HSPA12A: variants seen among roughly 807,000 people sequenced by gnomAD.
HSPA12A encodes the protein heat shock protein family A (Hsp70) member 12A.
Under a neutral mutation model 69.2 loss-of-function variants are expected in HSPA12A, and 28 were observed. The ratio of observed to expected loss-of-function variants is 0.40; its 90% CI spans 0.30 to 0.55. The LOEUF (loss-of-function observed/expected upper bound fraction) is 0.55. Among genes scored for constraint, HSPA12A ranks in the 20% least tolerant of loss-of-function variants. The pLI is 0.38. For synonymous variants in HSPA12A, 345 were observed against 370.5 expected (o/e 0.93, Z 0.79); for missense variants, 686 against 900.7 (o/e 0.76, Z 3.05).
intron 6 of HSPA12A, 82 bp from the exon 7 acceptor site, chr10:116,684,044 C>T (rs1439810402): frequency 3.2e-6 from 4 of 1,242,402 alleles, no homozygotes; most frequent in Non-Finnish European, 4.3e-6. Flanking sequence ...GACTGACATC[C>T]CTAAGGAGGG....
At chr10:116,696,270 T>C (rs1849899792) in intron 5 of HSPA12A, among the ~76,000 whole-genome samples, 1 of 152,124 alleles carries the variant, frequency 6.6e-6, no homozygotes, top group Admixed American at 6.5e-5. Flanking sequence ...CTTGATATGG[T>C]GTGGCTGTAT....
At chr10:116,746,895 C>T (rs1554887867), upstream of HSPA12A, among the ~76,000 whole-genome samples, 1 of 152,156 alleles carries the variant, frequency 6.6e-6, no homozygotes, top group African/African-American at 2.4e-5. Flanking sequence ...GGACACTGCC[C>T]GTCAAAGCTG....
intron 2 of HSPA12A, among the ~76,000 whole-genome samples, chr10:116,814,355 G>A (rs1845256462): frequency 6.6e-6 from 1 of 152,200 alleles, no homozygotes; most frequent in South Asian, 2.1e-4. Flanking sequence ...GCGGCCAGCT[G>A]TTGGTGAGGA....
intron 2 of HSPA12A, among the ~76,000 whole-genome samples, chr10:116,778,660 G>A (rs1844394506): frequency 1.3e-5 from 2 of 152,234 alleles, no homozygotes; most frequent in African/African-American, 4.8e-5. Context: ...CCAGCATGTT[G>A]GGAGGCCAAG....
intron 2 of HSPA12A, among the ~76,000 whole-genome samples, chr10:116,768,870 T>A (rs1401119735): frequency 6.6e-5 from 10 of 152,132 alleles, no homozygotes; most frequent in Admixed American, 6.5e-4. Context: ...CAGCCCCCTA[T>A]TGCAGGGCCA....
At chr10:116,748,922 G>A (rs1166846155) in intron 2 of HSPA12A, among the ~76,000 whole-genome samples, 1 of 152,040 alleles carries the variant, frequency 6.6e-6, no homozygotes, top group Non-Finnish European at 1.5e-5. Flanking sequence ...GCAGCCCTGT[G>A]GGAGCTGGGA....
intron 2 of HSPA12A, among the ~76,000 whole-genome samples, chr10:116,757,713 GAAT>G (rs1428009773): frequency 2.6e-5 from 4 of 152,146 alleles, no homozygotes; most frequent in Non-Finnish European, 4.4e-5. Flanking sequence ...TGTAAAATGG[GAAT>G]AATAACTGTA....
intron 1 of HSPA12A, among the ~76,000 whole-genome samples, chr10:116,715,264 A>G (rs1554883637): frequency 6.6e-6 from 1 of 152,198 alleles, no homozygotes; most frequent in East Asian, 1.9e-4. Context: ...ACTGCCCCGG[A>G]GACCAACTGC....
intron 2 of HSPA12A, among the ~76,000 whole-genome samples, chr10:116,756,390 G>A (rs1303725834): frequency 2.6e-5 from 4 of 152,238 alleles, no homozygotes; most frequent in African/African-American, 9.6e-5. Context: ...GCAAATACTT[G>A]ATTCGAGAAA....
intron 2 of HSPA12A, among the ~76,000 whole-genome samples, chr10:116,807,029 G>A (rs1014111360): frequency 3.9e-5 from 6 of 152,230 alleles, no homozygotes; most frequent in African/African-American, 1.4e-4. Flanking sequence ...GGAGACTGGA[G>A]TGATGCAGAC....
intron 2 of HSPA12A, among the ~76,000 whole-genome samples, chr10:116,793,039 A>C (rs1844733919): frequency 6.6e-6 from 1 of 152,142 alleles, no homozygotes; most frequent in Non-Finnish European, 1.5e-5. Context: ...TGCTGTGAGA[A>C]AAAATAACTG....
chr10:116,680,962 T>G (rs782339160), intron 9 of HSPA12A, among the ~76,000 whole-genome samples, 190 bp downstream of exon 9: 6 of 152,220 alleles, frequency 3.9e-5, no homozygotes, highest in Non-Finnish European at 5.9e-5. Flanking sequence ...TGTGGTGGTT[T>G]GTGTTTTAAA....
chr10:116,685,059 A>G (rs1275211995), intron 6 of HSPA12A, among the ~76,000 whole-genome samples: 1 of 152,240 alleles, frequency 6.6e-6, no homozygotes, highest in East Asian at 1.9e-4. Flanking sequence ...GGACCACGGA[A>G]GAACACTTCA....
intron 2 of HSPA12A, among the ~76,000 whole-genome samples, chr10:116,776,742 T>C (rs1392991422): frequency 6.6e-5 from 10 of 152,236 alleles, no homozygotes; most frequent in African/African-American, 2.4e-4. Context: ...GTTAACTCCA[T>C]ATACAATGCT....
rs782422510 is a variant in HSPA12A at position 116,675,609 on chromosome 10, T to G, written c.1391-191A>C. On this transcript the variant is annotated intron_variant, in intron 11 of 11. Transcript: ENST00000369209. The surrounding 1 kb of genome is among the most constrained non-coding windows in gnomAD (Gnocchi z 5.2). ...AAGAAAGGGAGTTTGCACACCAATA[T>G]GTTCCGGAATAAAAGCCAGAGCTGC... 6.6e-6 allele frequency among the ~76,000 whole-genome samples: 1 copy of G among 152,200 alleles called. No homozygotes were observed. Among genetic ancestry groups the G allele is most frequent in the Non-Finnish European group, 1.5e-5 (1 of 68,028 alleles).
rs1446283038 is a variant in HSPA12A at position 116,673,524 on chromosome 10, G to C, written c.*1257C>G. The C allele has an allele frequency of 2.6e-5, 4 of 152,142 alleles. No homozygotes were observed. The highest frequency in any genetic ancestry group is 6.5e-5 in the Admixed American group (1 of 15,276). The allele number at this position is 152,142 out of a possible 1,614,324, so 9.4% of individuals were successfully genotyped here. A position where few individuals can be genotyped will look rare whatever the true frequency, so the allele number is the denominator to read the frequency against. ...CCAATTTCAGTTGAACCACGATGTG[G>C]TATACACTACAAATGCAGATTCTGG... On this transcript the variant is annotated 3_prime_UTR_variant, in exon 12 of 12. Transcript: ENST00000369209.
chr10:116,681,997 G>A (rs1554878697), intron 7 of HSPA12A, 120 bp from the exon 8 acceptor site: 3 of 822,690 alleles, frequency 3.6e-6, no homozygotes, highest in Admixed American at 4.5e-5. Flanking sequence ...AGTGACATTT[G>A]ACCAAAATAA....
chr10:116,786,245 T>C (rs1297497182), intron 2 of HSPA12A, among the ~76,000 whole-genome samples: 2 of 152,242 alleles, frequency 1.3e-5, no homozygotes, highest in Admixed American at 1.3e-4. Flanking sequence ...AATAGACTGT[T>C]TATGTTATGG....
At chr10:116,684,912 G>A (rs1341193901) in intron 6 of HSPA12A, among the ~76,000 whole-genome samples, 2 of 152,154 alleles carry the variant, frequency 1.3e-5, no homozygotes, top group African/African-American at 4.8e-5. Flanking sequence ...ACCCTTCTGA[G>A]GATGCTCAGA....
Sources: allele counts gnomAD v4.1 joint callset (sites outside exome capture counted in the v4.1 genomes callset), GRCh38; gene constraint gnomAD v4.1.1; non-coding constraint Gnocchi (gnomAD v3.1); transcripts MANE v1.5; gene names NCBI Gene and HGNC (gene_info 2026-07-23, HGNC 2026-07-21).